Variants in PTPRT observed in about 807,000 individuals in gnomAD.
PTPRT encodes the protein receptor-type tyrosine-protein phosphatase T.
In PTPRT, 56 loss-of-function variants were observed where a neutral mutation model predicts 176.8. That is an observed-to-expected ratio of 0.32 (90% CI 0.26 to 0.40). The LOEUF is 0.40. Ranked by LOEUF, PTPRT falls within the 10% of genes least tolerant of loss-of-function variation. PTPRT has a pLI of 1.00. For synonymous variants in PTPRT, 783 were observed against 739.0 expected (o/e 1.06, Z -0.96); for missense variants, 1,540 against 1,908.2 (o/e 0.81, Z 3.60).
chr20:43,102,293 C>CACAG (rs1346542226), intron 1 of PTPRT, among the ~76,000 whole-genome samples: 1 of 150,620 alleles, frequency 6.6e-6, no homozygotes, highest in Non-Finnish European at 1.5e-5. Context: ...ATCACACACA[C>CACAG]ACACACACAC....
chr20:42,765,639 A>G (rs2076971917), intron 5 of PTPRT, among the ~76,000 whole-genome samples: 1 of 152,030 alleles, frequency 6.6e-6, no homozygotes, highest in Middle Eastern at 3.2e-3. Flanking sequence ...GTGTCTTAAT[A>G]TGTATTTCAT....
intron 12 of PTPRT, among the ~76,000 whole-genome samples, chr20:42,312,247 C>T (rs192645650): frequency 1.3e-3 from 195 of 152,256 alleles, no homozygotes; most frequent in African/African-American, 4.0e-3. Flanking sequence ...AAGCAGGGAA[C>T]GTGGGAGCCC....
chr20:42,202,635 T>G (rs530441667), intron 15 of PTPRT, among the ~76,000 whole-genome samples: 1 of 152,224 alleles, frequency 6.6e-6, no homozygotes, highest in Non-Finnish European at 1.5e-5. Flanking sequence ...TTCTTAATCA[T>G]AAATTTGAAA....
At chr20:42,368,482 G>C (rs755120672) in intron 9 of PTPRT, among the ~76,000 whole-genome samples, 1 of 152,032 alleles carries the variant, frequency 6.6e-6, no homozygotes, top group South Asian at 2.1e-4. Context: ...AGCGTAGCAG[G>C]CTTTCAGAGA....
At chr20:42,581,099 G>A (rs1259866348) in intron 7 of PTPRT, among the ~76,000 whole-genome samples, 1 of 152,130 alleles carries the variant, frequency 6.6e-6, no homozygotes, top group East Asian at 1.9e-4. Context: ...AACATTACAA[G>A]CATGCTCCTG....
chr20:42,045,782 G>A, the PTPRT span, among the ~76,000 whole-genome samples: 1 of 152,084 alleles, frequency 6.6e-6, no homozygotes, highest in African/African-American at 2.4e-5. Flanking sequence ...CTGAGGCCAA[G>A]TCTCCCTTTC....
intron 7 of PTPRT, among the ~76,000 whole-genome samples, chr20:42,479,092 C>T (rs1303624518): frequency 6.6e-6 from 1 of 152,164 alleles, no homozygotes; most frequent in East Asian, 1.9e-4. Flanking sequence ...ATGGACTCAG[C>T]CTCCATCCCT....
At chr20:42,429,857 G>C (rs2145797212) in intron 9 of PTPRT, among the ~76,000 whole-genome samples, 1 of 152,306 alleles carries the variant, frequency 6.6e-6, no homozygotes, top group African/African-American at 2.4e-5. Context: ...AAAGGAGGAA[G>C]AGGGAAAAGA....
At chr20:42,518,636 C>T (rs1228740028) in intron 7 of PTPRT, among the ~76,000 whole-genome samples, 3 of 151,858 alleles carry the variant, frequency 2.0e-5, no homozygotes, top group African/African-American at 4.8e-5. Context: ...TTTGTGTGTG[C>T]GCACGTGCGT....
intron 7 of PTPRT, among the ~76,000 whole-genome samples, chr20:42,578,363 G>A (rs1156242885): frequency 6.6e-6 from 1 of 152,158 alleles, no homozygotes; most frequent in African/African-American, 2.4e-5. Flanking sequence ...GAGACAGTAA[G>A]TATTTTTCTG....
intron 7 of PTPRT, among the ~76,000 whole-genome samples, chr20:42,527,939 A>C (rs2072307764): frequency 6.6e-6 from 1 of 152,218 alleles, no homozygotes; most frequent in South Asian, 2.1e-4. Context: ...TCTAGTTAGT[A>C]GAATATAGAA....
rs202068661 is a variant in PTPRT at position 42,180,438 on chromosome 20, G to A, written c.2491+18802C>T. ...TATGACTCCTGATCCCATTCAGCAT[G>A]TTCTATTGTTTCAGTGCACCCTCAC... On this transcript the variant is annotated intron_variant, in intron 16 of 30. Transcript: ENST00000373187. Among the ~76,000 whole-genome samples, 13 of 152,236 alleles carry A rather than the reference G, an allele frequency of 8.5e-5. No individual in the cohort carries two copies. In the East Asian group the frequency reaches 2.5e-3, roughly 29 times the overall value.
intron 2 of PTPRT, 138 bp downstream of exon 2, chr20:42,885,669 A>C: frequency 1.9e-6 from 2 of 1,080,754 alleles, no homozygotes; most frequent in Non-Finnish European, 2.5e-6. Flanking sequence ...ACCACCTCTG[A>C]GTGTGGGGAA....
intron 1 of PTPRT, among the ~76,000 whole-genome samples, chr20:43,160,970 T>A (rs145237237): frequency 0.021 from 3,249 of 151,332 alleles, 130 homozygotes; most frequent in African/African-American, 0.074. Flanking sequence ...CCCAGGTTGG[T>A]CTCAAACTCC....
intron 6 of PTPRT, among the ~76,000 whole-genome samples, chr20:42,752,704 C>T (rs1426461611): frequency 6.6e-6 from 1 of 152,078 alleles, no homozygotes; most frequent in Non-Finnish European, 1.5e-5. Flanking sequence ...AATGCTTTTC[C>T]CTTGTATTTT....
At chr20:42,354,365 C>A (rs1431811618) in intron 9 of PTPRT, among the ~76,000 whole-genome samples, 1 of 152,162 alleles carries the variant, frequency 6.6e-6, no homozygotes, top group African/African-American at 2.4e-5. Context: ...TGGGATTCAT[C>A]CATGTTGTCA....
At chr20:42,150,678 A>G (rs1472082755) in intron 17 of PTPRT, among the ~76,000 whole-genome samples, 1 of 152,234 alleles carries the variant, frequency 6.6e-6, no homozygotes, top group Non-Finnish European at 1.5e-5. Context: ...GAATATTTTT[A>G]CTGCAAATAA....
chr20:42,756,611 A>G lies in PTPRT; in HGVS notation c.710T>C (p.Leu237Pro). The G allele has an allele frequency of 6.2e-7, 1 of 1,601,796 alleles. No individual in the cohort carries two copies. Among genetic ancestry groups the G allele is most frequent in the Non-Finnish European group, 8.5e-7 (1 of 1,172,134 alleles). ...GTGGTTGACCACACGGGTGACCATCAGGGCCGTGTCCCTGCCATTCCATTG... is the reference window on the plus strand; with the variant it reads ...GTGGTTGACCACACGGGTGACCATCGGGGCCGTGTCCCTGCCATTCCATTG... ...LQQWNGRDTA[L>P]MVTRVVNHRR... is the part of the protein sequence containing the mutation. The change falls in exon 6 of 31, where the codon CTG (leucine) becomes CCG (proline). Residue 237 changes from leucine to proline, a missense_variant. Leu to Pro is a moderately conservative substitution (Grantham distance 98). This residue lies in a region of PTPRT where 273 missense variants were observed against 432.1 expected (regional missense o/e 0.63). Transcript: ENST00000373187.
chr20:42,529,826 T>C (rs2072348126), intron 7 of PTPRT, among the ~76,000 whole-genome samples: 1 of 148,736 alleles, frequency 6.7e-6, no homozygotes, highest in Admixed American at 6.7e-5. Flanking sequence ...CTAACTCTTA[T>C]TCCTGTGCAA....
Sources: gnomAD v4.1 joint callset for allele counts (sites outside exome capture counted in the v4.1 genomes callset) on GRCh38, gnomAD v4.1.1 for gene constraint, gnomAD v4.1.1 regional missense constraint, MANE v1.5 for transcripts, NCBI Gene and HGNC (gene_info 2026-07-23, HGNC 2026-07-21) for gene names.